The following LIMCH1 variants were observed in gnomAD, a reference collection of about 807,000 sequenced individuals.
LIMCH1 encodes LIM and calponin homology domains-containing protein 1.
Under a neutral mutation model 176.5 loss-of-function variants are expected in LIMCH1, and 113 were observed. The ratio of observed to expected loss-of-function variants is 0.64; its 90% CI spans 0.55 to 0.75. The LOEUF is 0.75. Among genes scored for constraint, LIMCH1 ranks in the 30% least tolerant of loss-of-function variants. The pLI, the probability that LIMCH1 is intolerant of heterozygous loss-of-function variation, is 0.00. For missense variants in LIMCH1, 1,674 were observed against 1,814.9 expected (o/e 0.92, Z 1.41); for synonymous variants, 619 against 645.9 (o/e 0.96, Z 0.63).
intron 4 of LIMCH1, chr4:41,613,137 A>C: frequency 6.7e-7 from 1 of 1,498,270 alleles, no homozygotes; most frequent in Non-Finnish European, 9.1e-7. Flanking sequence ...TTGAACTATC[A>C]TTGTACTGTT....
At chr4:41,435,185 C>A (rs976939165) in intron 1 of LIMCH1, among the ~76,000 whole-genome samples, 2 of 152,092 alleles carry the variant, frequency 1.3e-5, no homozygotes, top group Non-Finnish European at 2.9e-5. Flanking sequence ...CCAATGTTAT[C>A]CCAGTGGACC....
chr4:41,521,513 G>A lies in LIMCH1; in HGVS notation c.168-2896G>A, dbSNP rs531544289. Among the ~76,000 whole-genome samples the A allele has an allele frequency of 6.6e-5, 10 of 152,174 alleles. No homozygotes were observed. In the East Asian group the frequency reaches 1.9e-3, roughly 29 times the overall value. On this transcript the variant is annotated intron_variant, in intron 2 of 26. Coordinates refer to the LIMCH1 transcript ENST00000313860. ...TGGCATAGTGGTTTTTAATAAAATT[G>A]CAAGTGAATATCCTTGACTCTTACT...
At chr4:41,639,182 C>G (rs1043492388) in intron 14 of LIMCH1, among the ~76,000 whole-genome samples, 1 of 152,184 alleles carries the variant, frequency 6.6e-6, no homozygotes, top group Non-Finnish European at 1.5e-5. Context: ...TATGAAGCTG[C>G]TGCTTGAAAC....
intron 2 of LIMCH1, among the ~76,000 whole-genome samples, chr4:41,515,506 T>G (rs73142572): frequency 0.043 from 6,497 of 152,326 alleles, 463 homozygotes; most frequent in African/African-American, 0.15. Context: ...CATTGAAATC[T>G]GCTTGGAGAA....
At position 41,609,208 on chromosome 4, in the gene LIMCH1, C is replaced by T. The variant is rs181936505; in HGVS notation, c.9+3204C>T. Among the ~76,000 whole-genome samples, 485 of 150,300 alleles carry T rather than the reference C, an allele frequency of 3.2e-3. 6 individuals carry two copies. The highest frequency in any genetic ancestry group is 1.2e-3 in the Non-Finnish European group (78 of 67,780). On this transcript the variant is annotated intron_variant, in intron 4 of 31. Transcript: ENST00000503057. Reference sequence around the variant, plus strand: ...GCAAGATCTCTGCCTAAAAGAGCAACCATCTCAATTTCTAGTCCCTCAACC... The same window carrying T: ...GCAAGATCTCTGCCTAAAAGAGCAATCATCTCAATTTCTAGTCCCTCAACC...
At chr4:41,485,403 T>C (rs1582950773) in intron 1 of LIMCH1, among the ~76,000 whole-genome samples, 1 of 152,308 alleles carries the variant, frequency 6.6e-6, no homozygotes, top group East Asian at 1.9e-4. Flanking sequence ...TCATGGATAG[T>C]GTTAATCTTC....
intron 1 of LIMCH1, among the ~76,000 whole-genome samples, chr4:41,471,922 G>A (rs770147839): frequency 2.0e-5 from 3 of 150,444 alleles, no homozygotes; most frequent in African/African-American, 2.4e-5. Flanking sequence ...TACTCTCACC[G>A]GACTTGTTTC....
intron 1 of LIMCH1, among the ~76,000 whole-genome samples, chr4:41,429,069 G>T (rs1210886023): frequency 6.6e-6 from 1 of 152,178 alleles, no homozygotes; most frequent in Non-Finnish European, 1.5e-5. Context: ...TAAATAGCAG[G>T]TGCAAATCCT....
intron 1 of LIMCH1, among the ~76,000 whole-genome samples, chr4:41,460,013 CT>C (rs2065092633): frequency 6.6e-6 from 1 of 152,122 alleles, no homozygotes; most frequent in Non-Finnish European, 1.5e-5. Context: ...GTGAGACTTT[CT>C]TACCTGGAAG....
intron 1 of LIMCH1, among the ~76,000 whole-genome samples, chr4:41,467,650 G>T (rs962066890): frequency 6.6e-6 from 1 of 152,152 alleles, no homozygotes; most frequent in African/African-American, 2.4e-5. Context: ...GTGAGATTTG[G>T]GTGGGGACAC....
chr4:41,515,056 G>C (rs1302467969), intron 2 of LIMCH1, among the ~76,000 whole-genome samples: 1 of 152,210 alleles, frequency 6.6e-6, no homozygotes, highest in Non-Finnish European at 1.5e-5. Flanking sequence ...AGTAGATTCA[G>C]AATTCTCATG....
rs1553891692 is a variant in LIMCH1, at chr4:41,698,810, G to GTTA, written c.*1629_*1631dup. ...ACCATATTTGTCATTTGGATGAGCT[G>GTTA]TTATTAGATTGAAATCTACACATCA... On this transcript the variant is annotated 3_prime_UTR_variant, in exon 32 of 32. Coordinates refer to ENST00000503057, the MANE Select transcript of LIMCH1 (RefSeq NM_001330672.2). 2 of 151,644 alleles carry GTTA rather than the reference G, an allele frequency of 1.3e-5. No individual in the cohort carries two copies. The highest frequency in any genetic ancestry group is 4.9e-5 in the African/African-American group (2 of 41,048). The allele number at this position is 151,644 out of a possible 1,614,324, so 9.4% of individuals were successfully genotyped here.
At chr4:41,581,568 A>G (rs149488581) in intron 1 of LIMCH1, among the ~76,000 whole-genome samples, 1,698 of 152,222 alleles carry the variant, frequency 0.011, 35 homozygotes, top group African/African-American at 0.039. Context: ...GCACTTTGGG[A>G]GGCCAAGGCG....
intron 28 of LIMCH1, among the ~76,000 whole-genome samples, chr4:41,686,160 G>A (rs990785638): frequency 6.6e-6 from 1 of 152,024 alleles, no homozygotes; most frequent in African/African-American, 2.4e-5. Flanking sequence ...ACAAAGTTTC[G>A]TTCAAGGAAA....
chr4:41,601,635 C>G (rs1457674372), intron 2 of LIMCH1, among the ~76,000 whole-genome samples: 3 of 152,166 alleles, frequency 2.0e-5, no homozygotes, highest in Non-Finnish European at 4.4e-5. Context: ...AGAGAAAAAA[C>G]ATTTTACTGT....
intron 2 of LIMCH1, among the ~76,000 whole-genome samples, chr4:41,510,396 G>C (rs1017824210): frequency 3.3e-5 from 5 of 152,148 alleles, no homozygotes; most frequent in African/African-American, 1.2e-4. Flanking sequence ...AGATTTAAGA[G>C]GATTTAGTAG....
At chr4:41,680,923 C>G (rs773837375) in intron 24 of LIMCH1, 32 bp from the exon 25 acceptor site, 11 of 1,168,070 alleles carry the variant, frequency 9.4e-6, no homozygotes, top group African/African-American at 1.5e-5. Flanking sequence ...TTTATTTTCC[C>G]CCCTTTCATC....
In LIMCH1 at chr4:41,650,514, C is replaced by T. The variant is rs1447852241; in HGVS notation, c.2942C>T (p.Ala981Val). Residue 981 changes from alanine to valine, a missense_variant, in exon 18 of 32, where the codon GCC (alanine) becomes GTC (valine). Physicochemically the swap from Ala to Val is moderately conservative, Grantham distance 64. This residue lies in a region of LIMCH1 where 1,015 missense variants were observed against 1,102.5 expected (regional missense o/e 0.92). Transcript: ENST00000503057. ...LTKSQMFEGVARVHGSPLELK... is the reference protein window; with the variant it reads ...LTKSQMFEGVVRVHGSPLELK... ...AAATCCCAGATGTTTGAAGGTGTGG[C>T]CAGAGTGCACGGGTCTCCACTGGAG... 2 of 1,614,006 alleles carry T rather than the reference C, an allele frequency of 1.2e-6. No homozygotes were observed. The highest frequency in any genetic ancestry group is 1.1e-5 in the South Asian group (1 of 91,076).
chr4:41,677,034 A>G (rs370136089), intron 23 of LIMCH1, among the ~76,000 whole-genome samples: 2 of 151,954 alleles, frequency 1.3e-5, no homozygotes, highest in African/African-American at 4.8e-5. Context: ...ATGGTGATGC[A>G]CACCTGTAAT....
Sources: allele counts gnomAD v4.1 joint callset (sites outside exome capture counted in the v4.1 genomes callset), GRCh38; gene constraint gnomAD v4.1.1; regional missense constraint gnomAD v4.1.1; transcripts MANE v1.5; gene names NCBI Gene and HGNC (gene_info 2026-07-23, HGNC 2026-07-21).